Variants in SLC9A9 observed in about 807,000 individuals in gnomAD.
The protein encoded by SLC9A9 is sodium/hydrogen exchanger 9.
SLC9A9 carries 62 observed loss-of-function variants against 77.8 expected under a neutral mutation model. The ratio of observed to expected loss-of-function variants is 0.80; its 90% CI spans 0.65 to 0.98. The LOEUF is 0.98. SLC9A9 is among the 50% of genes least tolerant of loss of function. The pLI is 0.00. For missense variants in SLC9A9, 775 were observed against 774.9 expected, an observed-to-expected ratio of 1.00 and a Z score of 0.00; for synonymous variants, 320 against 283.5, an observed-to-expected ratio of 1.13 and a Z score of -1.29.
intron 14 of SLC9A9, among the ~76,000 whole-genome samples, chr3:143,318,795 T>C (rs1308944914): frequency 6.6e-6 from 1 of 152,102 alleles, no homozygotes; most frequent in Admixed American, 6.5e-5. Context: ...CCTGGAGACT[T>C]GTTGCATGGG....
intron 12 of SLC9A9, among the ~76,000 whole-genome samples, chr3:143,412,051 C>A (rs959246734): frequency 6.6e-6 from 1 of 152,100 alleles, no homozygotes; most frequent in African/African-American, 2.4e-5. Flanking sequence ...GACTTGGTAA[C>A]CTCATCAAAT....
At position 143,363,467 on chromosome 3, in the gene SLC9A9, T is replaced by C; in HGVS notation, c.1604+17A>G. The C allele has an allele frequency of 1.2e-6, 2 of 1,609,242 alleles. No homozygotes were observed. The highest frequency in any genetic ancestry group is 1.7e-6 in the Non-Finnish European group (2 of 1,175,960). On this transcript the variant is annotated intron_variant, in intron 14 of 15. Coordinates refer to ENST00000316549, the MANE Select transcript of SLC9A9 (RefSeq NM_173653.4). ...GCCTGCAGCAGGATCTGTGAGATCG[T>C]TATTATCAAAGGATACTTGTGGTCA...
At chr3:143,709,261 T>A (rs746830115) in intron 4 of SLC9A9, among the ~76,000 whole-genome samples, 1 of 152,082 alleles carries the variant, frequency 6.6e-6, no homozygotes, top group Non-Finnish European at 1.5e-5. Flanking sequence ...ACCAAGTAAA[T>A]CAGAATCTCT....
intron 4 of SLC9A9, among the ~76,000 whole-genome samples, chr3:143,721,028 G>C (rs1489112697): frequency 6.6e-6 from 1 of 152,196 alleles, no homozygotes; most frequent in Non-Finnish European, 1.5e-5. Flanking sequence ...AGGCAACATA[G>C]TGAGACCTTG....
chr3:143,517,231 C>T (rs774041708), intron 9 of SLC9A9: 63 of 1,257,604 alleles, frequency 5.0e-5, no homozygotes, highest in Non-Finnish European at 6.6e-5. Flanking sequence ...CCTGGAAGGC[C>T]ACCATAACTT....
intron 14 of SLC9A9, among the ~76,000 whole-genome samples, chr3:143,352,607 A>G (rs1384899524): frequency 7.5e-6 from 1 of 134,076 alleles, no homozygotes; most frequent in African/African-American, 3.7e-5. Flanking sequence ...AAAACATTCT[A>G]GTAGACTCTG....
rs563427549 is a variant in SLC9A9 at position 143,715,791 on chromosome 3, G to A, written c.534-22484C>T. Among the ~76,000 whole-genome samples, 12 of 152,344 alleles carry A rather than the reference G, an allele frequency of 7.9e-5. No homozygotes were observed. In the East Asian group the frequency reaches 2.3e-3, roughly 29 times the overall value. On this transcript the variant is annotated intron_variant, in intron 4 of 15. Coordinates refer to ENST00000316549, the MANE Select transcript of SLC9A9 (RefSeq NM_173653.4). ...AAGGGCTCCCACACCGCAAGGTCAAGTGAGGGCAGCATCGAGCGTCCTCTC... is the reference window on the plus strand; with the variant it reads ...AAGGGCTCCCACACCGCAAGGTCAAATGAGGGCAGCATCGAGCGTCCTCTC...
intron 2 of SLC9A9, among the ~76,000 whole-genome samples, chr3:143,818,460 C>T (rs926673667): frequency 6.6e-6 from 1 of 152,064 alleles, no homozygotes; most frequent in Non-Finnish European, 1.5e-5. Flanking sequence ...GGATGCACCG[C>T]CACGCCCAGC....
chr3:143,393,765 G>A (rs1009264268), intron 12 of SLC9A9, among the ~76,000 whole-genome samples: 8 of 151,244 alleles, frequency 5.3e-5, no homozygotes, highest in African/African-American at 1.5e-4. Context: ...ATGATAAAGA[G>A]GATATCACCA....
chr3:143,429,654 C>T (rs772618359), intron 12 of SLC9A9, among the ~76,000 whole-genome samples: 1 of 152,224 alleles, frequency 6.6e-6, no homozygotes, highest in Non-Finnish European at 1.5e-5. Flanking sequence ...CATCACTCTG[C>T]ACATCAGATA....
At chr3:143,582,978 C>A (rs2037481516) in intron 6 of SLC9A9, among the ~76,000 whole-genome samples, 1 of 152,056 alleles carries the variant, frequency 6.6e-6, no homozygotes, top group East Asian at 1.9e-4. Flanking sequence ...CATGGCAAAA[C>A]CCCATCTCTA....
intron 14 of SLC9A9, among the ~76,000 whole-genome samples, chr3:143,289,521 CT>C (rs1395069857): frequency 2.0e-5 from 3 of 152,148 alleles, no homozygotes; most frequent in Non-Finnish European, 2.9e-5. Context: ...CTCATGCCCC[CT>C]GTCTCATTGA....
chr3:143,773,753 G>T (rs2007604256), intron 4 of SLC9A9, among the ~76,000 whole-genome samples: 1 of 152,046 alleles, frequency 6.6e-6, no homozygotes, highest in Non-Finnish European at 1.5e-5. Flanking sequence ...CAAAGTTCTG[G>T]GATTATAGGC....
At chr3:143,778,859 G>A (rs1160629308) in intron 4 of SLC9A9, among the ~76,000 whole-genome samples, 2 of 152,146 alleles carry the variant, frequency 1.3e-5, no homozygotes, top group Admixed American at 1.3e-4. Flanking sequence ...TATAATTTGG[G>A]CTGCAATTGA....
chr3:143,743,255 A>AT (rs1480816801), intron 4 of SLC9A9, among the ~76,000 whole-genome samples: 36 of 146,696 alleles, frequency 2.5e-4, no homozygotes, highest in Non-Finnish European at 1.1e-4. Context: ...AGATAGATAG[A>AT]TAGATAGATA....
intron 12 of SLC9A9, among the ~76,000 whole-genome samples, chr3:143,457,836 T>A (rs1435283103): frequency 6.6e-6 from 1 of 152,218 alleles, no homozygotes; most frequent in Non-Finnish European, 1.5e-5. Flanking sequence ...TCTCTTAAAT[T>A]AGAAAAGGTT....
intron 12 of SLC9A9, among the ~76,000 whole-genome samples, chr3:143,466,693 T>G (rs2035285826): frequency 6.6e-6 from 1 of 152,276 alleles, no homozygotes; most frequent in Non-Finnish European, 1.5e-5. Flanking sequence ...TCCTACTGGA[T>G]TGTATCTTGA....
chr3:143,509,640 G>C (rs1159568415), intron 9 of SLC9A9, among the ~76,000 whole-genome samples: 1 of 152,178 alleles, frequency 6.6e-6, no homozygotes, highest in Non-Finnish European at 1.5e-5. Context: ...CTTTAGCTCT[G>C]ACTTATTTCT....
At chr3:143,555,195 T>C (rs2036959478) in intron 8 of SLC9A9, among the ~76,000 whole-genome samples, 2 of 152,164 alleles carry the variant, frequency 1.3e-5, no homozygotes, top group Non-Finnish European at 2.9e-5. Context: ...ATAAGGGGTT[T>C]CCCCTTTCAC....
Sources: gnomAD v4.1 joint callset for allele counts (sites outside exome capture counted in the v4.1 genomes callset) on GRCh38, gnomAD v4.1.1 for gene constraint, MANE v1.5 for transcripts, NCBI Gene and HGNC (gene_info 2026-07-23, HGNC 2026-07-21) for gene names.